The following MTUS2 variants were observed in gnomAD, a reference collection of about 807,000 sequenced individuals.
The protein encoded by MTUS2 is microtubule associated scaffold protein 2.
MTUS2 carries 40 observed loss-of-function variants against 114.1 expected under a neutral mutation model. The observed-to-expected ratio is 0.35, with a 90% CI of 0.27 to 0.46. The LOEUF is 0.46. Ranked by LOEUF, MTUS2 falls within the 20% of genes least tolerant of loss-of-function variation. The probability of loss-of-function intolerance (pLI) is 1.00; values close to 1 mark genes in which losing one functional copy is unlikely to be tolerated. For missense variants in MTUS2, 1,679 were observed against 1,705.4 expected (o/e 0.98, Z 0.27); for synonymous variants, 688 against 672.0 (o/e 1.02, Z -0.37).
At chr13:29,137,571 T>A (rs1892034893) in intron 5 of MTUS2, among the ~76,000 whole-genome samples, 1 of 152,028 alleles carries the variant, frequency 6.6e-6, no homozygotes, top group Admixed American at 6.6e-5. Context: ...TTCTTTGTTC[T>A]TTCTTCTTCT....
intron 2 of MTUS2, among the ~76,000 whole-genome samples, chr13:28,844,049 T>G (rs939177993): frequency 6.6e-6 from 1 of 152,244 alleles, no homozygotes; most frequent in African/African-American, 2.4e-5. Context: ...TAATTCAAAA[T>G]GAATAGGTAA....
In MTUS2 at chr13:28,923,956, A is replaced by C. The variant is rs1399682824; in HGVS notation, c.-243+84106A>C. Among the ~76,000 whole-genome samples, 5 of 152,146 alleles carry C rather than the reference A, an allele frequency of 3.3e-5. No homozygotes were observed. In the South Asian group the frequency reaches 1.0e-3, roughly 32 times the overall value. ...CTCCACCCTCCCCACCGTGATTCTC[A>C]GTGGAGGTTAATACTTTTTCCCAAC... On this transcript the variant is annotated intron_variant, in intron 2 of 15. Coordinates refer to ENST00000612955, the MANE Select transcript of MTUS2 (RefSeq NM_001033602.4).
chr13:29,136,404 G>T (rs1891978813), intron 5 of MTUS2, among the ~76,000 whole-genome samples: 1 of 152,198 alleles, frequency 6.6e-6, no homozygotes, highest in Admixed American at 6.5e-5. Context: ...GATGACAAGT[G>T]GCTGGTGGCC....
intron 6 of MTUS2, among the ~76,000 whole-genome samples, chr13:29,293,814 G>T (rs1023852870): frequency 6.6e-6 from 1 of 152,032 alleles, no homozygotes; most frequent in Non-Finnish European, 1.5e-5. Context: ...GTCATTAAAG[G>T]TAGAAAGCTA....
chr13:29,463,806 C>G (rs1879691520), intron 9 of MTUS2, among the ~76,000 whole-genome samples: 1 of 152,182 alleles, frequency 6.6e-6, no homozygotes, highest in East Asian at 1.9e-4. Flanking sequence ...CCAGACCAGC[C>G]TGGCCAACAT....
chr13:29,266,770 C>T (rs776204966), intron 5 of MTUS2, among the ~76,000 whole-genome samples: 1 of 152,096 alleles, frequency 6.6e-6, no homozygotes, highest in Non-Finnish European at 1.5e-5. Flanking sequence ...TAGGAAGTGG[C>T]CCCCTGGGAC....
intron 4 of MTUS2, among the ~76,000 whole-genome samples, chr13:29,071,138 G>A (rs9550436): frequency 0.36 from 54,958 of 150,778 alleles, 10,648 homozygotes; most frequent in East Asian, 0.63. Flanking sequence ...CTGAGTAGCT[G>A]GGACTACAGG....
At chr13:28,838,834 G>A (rs1312847824) in intron 1 of MTUS2, among the ~76,000 whole-genome samples, 6 of 152,196 alleles carry the variant, frequency 3.9e-5, no homozygotes, top group Admixed American at 6.5e-5. Context: ...TCCAAATGCT[G>A]GAGCTAATTC....
chr13:29,020,081 C>T (rs1886230527), intron 2 of MTUS2, among the ~76,000 whole-genome samples: 1 of 152,180 alleles, frequency 6.6e-6, no homozygotes, highest in Non-Finnish European at 1.5e-5. Context: ...GGCCCTAGAA[C>T]CAGGGGAAGC....
chr13:29,119,926 C>A (rs7327664), intron 5 of MTUS2, among the ~76,000 whole-genome samples: 25,052 of 152,076 alleles, frequency 0.16, 2,383 homozygotes, highest in Middle Eastern at 0.25. Flanking sequence ...ATGTAAAGAA[C>A]CTTTACAAAT....
intron 11 of MTUS2, among the ~76,000 whole-genome samples, chr13:29,492,213 A>ATG (rs145131882): frequency 0.15 from 541 of 3,574 alleles, 6 homozygotes; most frequent in African/African-American, 0.33. Context: ...TGTGTATGTG[A>ATG]TGTGTGGTAG....
intron 5 of MTUS2, among the ~76,000 whole-genome samples, chr13:29,104,809 A>G (rs1201836379): frequency 6.6e-6 from 1 of 152,228 alleles, no homozygotes; most frequent in Non-Finnish European, 1.5e-5. Flanking sequence ...TCTAACTTAG[A>G]AATTAAGCGT....
At chr13:29,178,325 C>CT (rs200127056) in intron 5 of MTUS2, among the ~76,000 whole-genome samples, 14 of 151,420 alleles carry the variant, frequency 9.2e-5, no homozygotes, top group African/African-American at 2.9e-4. Context: ...CGACCCATTG[C>CT]TTTTTTTTTC....
rs142502261 is a variant in MTUS2 at position 29,056,692 on chromosome 13, C to T, written c.2446+22567C>T. On this transcript the variant is annotated intron_variant, in intron 4 of 15. Transcript: ENST00000612955. ...CATTTCTTGTTGTGTTTATTTGCAT[C>T]GTCTCTCTTTTTTTAATTAATCTAG... 2.7e-3 allele frequency among the ~76,000 whole-genome samples: 407 copies of T among 151,948 alleles called. 1 individual carries two copies. The highest frequency in any genetic ancestry group is 9.0e-3 in the African/African-American group (375 of 41,450).
chr13:29,026,972 A>C (rs1027273328), intron 3 of MTUS2, 69 bp downstream of exon 3: 3 of 1,419,808 alleles, frequency 2.1e-6, no homozygotes, highest in African/African-American at 2.9e-5. Flanking sequence ...ATTTTCAATG[A>C]GTTATGAAAG....
intron 2 of MTUS2, among the ~76,000 whole-genome samples, chr13:28,849,784 C>T (rs1324520087): frequency 4.6e-5 from 7 of 152,066 alleles, no homozygotes; most frequent in South Asian, 2.1e-4. Context: ...TTGCCCATGA[C>T]GTTCTTCTGT....
At position 28,933,351 on chromosome 13, in the gene MTUS2, G is replaced by A. The variant is rs192833766; in HGVS notation, c.-242-91106G>A. ...ACTCAGGCAGGGTTTCTCTGTTGCA[G>A]TATTGAGGCAGAATCCCTTCCAGAT... On this transcript the variant is annotated intron_variant, in intron 2 of 15. Coordinates refer to ENST00000612955, the MANE Select transcript of MTUS2 (RefSeq NM_001033602.4). Among the ~76,000 whole-genome samples the A allele has an allele frequency of 8.5e-5, 13 of 152,306 alleles. No individual in the cohort carries two copies. The South Asian group carries it at 2.5e-3, about 29-fold the overall frequency.
chr13:29,044,202 T>C (rs1887507400), intron 4 of MTUS2, among the ~76,000 whole-genome samples: 2 of 145,316 alleles, frequency 1.4e-5, no homozygotes, highest in Admixed American at 1.4e-4. Flanking sequence ...ATAAATATTT[T>C]TGCTTTGTTC....
intron 5 of MTUS2, among the ~76,000 whole-genome samples, chr13:29,134,568 T>C (rs763856474): frequency 5.9e-5 from 9 of 152,160 alleles, no homozygotes; most frequent in Non-Finnish European, 1.2e-4. Flanking sequence ...ATGTTTATAA[T>C]TGTTATATAT....
Sources: allele counts gnomAD v4.1 joint callset (sites outside exome capture counted in the v4.1 genomes callset), GRCh38; gene constraint gnomAD v4.1.1; transcripts MANE v1.5; gene names NCBI Gene and HGNC (gene_info 2026-07-23, HGNC 2026-07-21).